CFAP299: variants seen among roughly 807,000 people sequenced by gnomAD.
CFAP299 encodes the protein cilia- and flagella-associated protein 299.
CFAP299 carries 21 observed loss-of-function variants against 27.0 expected under a neutral mutation model. The ratio of observed to expected loss-of-function variants is 0.78; its 90% confidence interval spans 0.55 to 1.12. The LOEUF (loss-of-function observed/expected upper bound fraction) is 1.12, where lower values mean the gene tolerates loss of function less well. Ranked by LOEUF, CFAP299 falls within the 50% of genes most tolerant of loss-of-function variation. The pLI is 0.00. For missense variants in CFAP299, 310 were observed against 276.6 expected, an observed-to-expected ratio of 1.12 and a Z score of -0.86; for synonymous variants, 104 against 98.1, an observed-to-expected ratio of 1.06 and a Z score of -0.36.
chr4:80,826,499 T>C (rs577979422), intron 3 of CFAP299, among the ~76,000 whole-genome samples: 2 of 151,914 alleles, frequency 1.3e-5, no homozygotes, highest in African/African-American at 4.8e-5. Flanking sequence ...AAAGGTTTAA[T>C]ATAGCAAGAA....
At chr4:80,727,933 T>G (rs1430878746) in intron 3 of CFAP299, among the ~76,000 whole-genome samples, 1 of 151,766 alleles carries the variant, frequency 6.6e-6, no homozygotes, top group Non-Finnish European at 1.5e-5. Flanking sequence ...AGTAGGATGC[T>G]TATAAATATA....
In CFAP299 at chr4:80,562,299, A is replaced by G. The variant is rs1735070396; in HGVS notation, c.243-20794A>G. Among the ~76,000 whole-genome samples, 4 of 152,042 alleles carry G rather than the reference A, an allele frequency of 2.6e-5. 1 individual carries two copies. In the South Asian group the frequency reaches 8.3e-4, roughly 32 times the overall value. ...ACATGGCAGGAATAAGTCCTTACGTATCAATAATAACATTGAGGCTGGGCA... is the reference window on the plus strand; with the variant it reads ...ACATGGCAGGAATAAGTCCTTACGTGTCAATAATAACATTGAGGCTGGGCA... On this transcript the variant is annotated intron_variant, in intron 2 of 5. Transcript: ENST00000358105.
intron 4 of CFAP299, among the ~76,000 whole-genome samples, chr4:80,919,815 T>C (rs1308161628): frequency 6.6e-6 from 1 of 152,128 alleles, no homozygotes; most frequent in Non-Finnish European, 1.5e-5. Context: ...TTTTTTTACA[T>C]AGATCCAAGT....
In CFAP299 at chr4:80,384,168, G is replaced by A. The variant is rs114960836; in HGVS notation, c.242+21284G>A. The stretch of plus-strand genomic sequence containing the variant: ...ACAATCTCCTCCTGCCCCTACAAAC[G>A]CACACAAATACATCAAAGATGTGAA... On this transcript the variant is annotated intron_variant, in intron 2 of 5. Coordinates refer to ENST00000358105, the MANE Select transcript of CFAP299 (RefSeq NM_152770.3). Among the ~76,000 whole-genome samples the A allele has an allele frequency of 7.9e-3, 1,194 of 151,768 alleles. 15 individuals are homozygous for A. Among genetic ancestry groups the A allele is most frequent in the African/African-American group, 0.027 (1,104 of 41,350 alleles).
intron 3 of CFAP299, among the ~76,000 whole-genome samples, chr4:80,632,770 A>T (rs1206525983): frequency 6.6e-6 from 1 of 151,914 alleles, no homozygotes; most frequent in African/African-American, 2.4e-5. Context: ...GAGAAAATGT[A>T]TTGTCAAAGA....
At chr4:80,836,802 C>G (rs532653870) in intron 3 of CFAP299, among the ~76,000 whole-genome samples, 1 of 152,064 alleles carries the variant, frequency 6.6e-6, no homozygotes, top group East Asian at 1.9e-4. Flanking sequence ...TTTTGATGAT[C>G]TAGGAGATTT....
chr4:80,331,769 T>C (rs1186963374), upstream of CFAP299, among the ~76,000 whole-genome samples: 1 of 152,138 alleles, frequency 6.6e-6, no homozygotes, highest in Non-Finnish European at 1.5e-5. Context: ...TGCTAGGCAG[T>C]TAGATATGTG....
At chr4:80,661,559 T>A (rs1388643525) in intron 3 of CFAP299, among the ~76,000 whole-genome samples, 1 of 152,214 alleles carries the variant, frequency 6.6e-6, no homozygotes, top group Non-Finnish European at 1.5e-5. Flanking sequence ...TGATTTCCTA[T>A]GCCTATCTTT....
chr4:80,450,641 A>T (rs1728855591), intron 2 of CFAP299, among the ~76,000 whole-genome samples: 3 of 151,910 alleles, frequency 2.0e-5, no homozygotes, highest in Non-Finnish European at 4.4e-5. Context: ...TTCTTTTTAA[A>T]CTCTGGAATT....
chr4:80,802,617 A>G (rs2110111140), intron 3 of CFAP299, among the ~76,000 whole-genome samples: 1 of 152,154 alleles, frequency 6.6e-6, no homozygotes, highest in Non-Finnish European at 1.5e-5. Context: ...GAAATTCTGG[A>G]AAACTTATCA....
chr4:80,553,962 C>G (rs535613059), intron 2 of CFAP299, among the ~76,000 whole-genome samples: 3 of 151,942 alleles, frequency 2.0e-5, no homozygotes, highest in Non-Finnish European at 4.4e-5. Context: ...TCTGTTGATA[C>G]TTTCTTTTGC....
At chr4:80,648,641 C>T (rs1232156796) in intron 3 of CFAP299, among the ~76,000 whole-genome samples, 1 of 151,994 alleles carries the variant, frequency 6.6e-6, no homozygotes, top group African/African-American at 2.4e-5. Flanking sequence ...TAATATTGTA[C>T]TACTCAAAGA....
intron 2 of CFAP299, among the ~76,000 whole-genome samples, chr4:80,572,512 T>TTTTTTTTTTTTG: frequency 9.0e-6 from 1 of 111,442 alleles, no homozygotes; most frequent in Non-Finnish European, 1.9e-5. Context: ...TCCCAGTTTT[T>TTTTTTTTTTTTG]TTTTTTTTTT....
chr4:80,428,978 C>G (rs948907067), intron 2 of CFAP299, among the ~76,000 whole-genome samples: 4 of 152,108 alleles, frequency 2.6e-5, no homozygotes, highest in African/African-American at 9.7e-5. Flanking sequence ...TTCTATTTGG[C>G]AAGATTTTTA....
intron 2 of CFAP299, among the ~76,000 whole-genome samples, chr4:80,571,495 G>A (rs1735578245): frequency 6.6e-6 from 1 of 152,032 alleles, no homozygotes. Context: ...TACAAAAGAA[G>A]TAATAAGCAA....
chr4:80,328,443 T>G, the CFAP299 span, among the ~76,000 whole-genome samples: 1 of 149,386 alleles, frequency 6.7e-6, no homozygotes, highest in East Asian at 2.0e-4. Flanking sequence ...ATTATATTCA[T>G]CATAACAAAG....
At chr4:80,654,784 CTTTTTTT>C (rs369680550) in intron 3 of CFAP299, among the ~76,000 whole-genome samples, 3,865 of 126,772 alleles carry the variant, frequency 0.03, 160 homozygotes, top group African/African-American at 0.1. Context: ...TAATTTTTAA[CTTTTTTT>C]TTTTTTTTTT....
intron 5 of CFAP299, among the ~76,000 whole-genome samples, chr4:80,945,684 G>T (rs1395416373): frequency 6.6e-6 from 1 of 151,900 alleles, no homozygotes; most frequent in Non-Finnish European, 1.5e-5. Context: ...GCAAGAAAAA[G>T]ATTCTTTCAT....
At chr4:80,363,537 C>A (rs1416098590) in intron 2 of CFAP299, among the ~76,000 whole-genome samples, 3 of 152,080 alleles carry the variant, frequency 2.0e-5, no homozygotes, top group African/African-American at 7.2e-5. Flanking sequence ...ACTTAGAAAT[C>A]AGTATACTAT....
Sources: allele counts gnomAD v4.1 joint callset (sites outside exome capture counted in the v4.1 genomes callset), GRCh38; gene constraint gnomAD v4.1.1; transcripts MANE v1.5; gene names NCBI Gene and HGNC (gene_info 2026-07-23, HGNC 2026-07-21).